Variants in ZDHHC22 observed in about 807,000 individuals in gnomAD.
ZDHHC22 encodes the protein palmitoyltransferase ZDHHC22.
Under a neutral mutation model 17.0 loss-of-function variants are expected in ZDHHC22, and 13 were observed. The observed-to-expected ratio is 0.76, with a 90% CI of 0.50 to 1.21. The LOEUF (loss-of-function observed/expected upper bound fraction) is 1.21. Ranked by LOEUF, ZDHHC22 falls within the 50% of genes most tolerant of loss-of-function variation. The pLI, the probability that ZDHHC22 is intolerant of heterozygous loss-of-function variation, is 0.00. For synonymous variants in ZDHHC22, 138 were observed against 154.7 expected, an observed-to-expected ratio of 0.89 and a Z score of 0.80; for missense variants, 319 against 342.3, an observed-to-expected ratio of 0.93 and a Z score of 0.54.
At chr14:77,139,106 T>C in intron 2 of ZDHHC22, 107 bp downstream of exon 2, 1 of 1,273,340 alleles carries the variant, frequency 7.9e-7, no homozygotes, top group Non-Finnish European at 1.1e-6. Flanking sequence ...GTCTGTATTT[T>C]TATTTGCTAA....
intron 2 of ZDHHC22, among the ~76,000 whole-genome samples, chr14:77,138,421 G>T (rs920966516): frequency 1.3e-5 from 2 of 152,164 alleles, no homozygotes; most frequent in African/African-American, 4.8e-5. Flanking sequence ...AGTGTGGCGT[G>T]GTGGCACGCA....
At chr14:77,141,315 G>GC (rs1887251687) in intron 1 of ZDHHC22, 1 of 152,656 alleles carries the variant, frequency 6.6e-6, no homozygotes, top group Admixed American at 6.5e-5. Flanking sequence ...AAGGACAGGG[G>GC]CTAGGGGAGT....
At position 77,140,336 on chromosome 14, in the gene ZDHHC22, G is replaced by A. The variant is rs567972602; in HGVS notation, c.-14-584C>T. 3.9e-5 allele frequency among the ~76,000 whole-genome samples: 6 copies of A among 152,088 alleles called. No homozygotes were observed. The highest frequency in any genetic ancestry group is 1.9e-4 in the East Asian group (1 of 5,172). On this transcript the variant is annotated intron_variant, in intron 1 of 2. Transcript: ENST00000319374. This position sits in a 1 kb window ranked among gnomAD's most constrained non-coding sequence, Gnocchi z 5.9. ...CTCTTTGGAGGTATGTGTGCGTGAG[G>A]GACCACGATGTGTGTGTGTGTGTCC...
chr14:77,137,695 G>A (rs1661542100), intron 2 of ZDHHC22, among the ~76,000 whole-genome samples: 1 of 152,174 alleles, frequency 6.6e-6, no homozygotes, highest in Non-Finnish European at 1.5e-5. Flanking sequence ...CTGTATCTCT[G>A]TGTTCCCACT....
At chr14:77,135,470 A>G (rs1275669066) in intron 2 of ZDHHC22, among the ~76,000 whole-genome samples, 1 of 138,188 alleles carries the variant, frequency 7.2e-6, no homozygotes, top group East Asian at 2.3e-4. Flanking sequence ...GGATAGCTGT[A>G]TTATTTTTTT....
chr14:77,142,209 A>C (rs1887269564), upstream of ZDHHC22: 1 of 152,286 alleles, frequency 6.6e-6, no homozygotes, highest in South Asian at 2.1e-4. Flanking sequence ...AATATTCACC[A>C]TTCACTACTG....
intron 1 of ZDHHC22, chr14:77,141,225 C>T (rs1350063552): frequency 6.6e-6 from 1 of 152,130 alleles, no homozygotes; most frequent in Non-Finnish European, 1.5e-5. Flanking sequence ...GGGGCTCCGG[C>T]GAAGCAAGTG....
rs1316327137 is a variant in ZDHHC22, at chr14:77,131,314, T to C, written c.*2369A>G. The C allele has an allele frequency of 2.0e-5, 3 of 152,182 alleles. No homozygotes were observed. The highest frequency in any genetic ancestry group is 7.2e-5 in the African/African-American group (3 of 41,416). 9.4% of individuals were successfully genotyped at this position (152,182 alleles called of 1,614,324 possible). A position where few individuals can be genotyped will look rare whatever the true frequency, so the allele number is the denominator to read the frequency against. On this transcript the variant is annotated 3_prime_UTR_variant, in exon 3 of 3. Coordinates refer to ENST00000319374, the MANE Select transcript of ZDHHC22 (RefSeq NM_174976.2). Reference sequence around the variant, plus strand: ...TTTTATTGATGTTCTTCAAGGACAATACAGGGCCATGTGTACAAATGCTAC... The same window carrying C: ...TTTTATTGATGTTCTTCAAGGACAACACAGGGCCATGTGTACAAATGCTAC...
At chr14:77,134,176 G>T (rs1314721692) in intron 2 of ZDHHC22, among the ~76,000 whole-genome samples, 1 of 152,218 alleles carries the variant, frequency 6.6e-6, no homozygotes, top group Non-Finnish European at 1.5e-5. Flanking sequence ...GGGAAGACTG[G>T]AGACATGGCA....
upstream of ZDHHC22, chr14:77,141,815 G>T (rs1887262162): frequency 6.6e-6 from 1 of 152,290 alleles, no homozygotes; most frequent in South Asian, 2.1e-4. Flanking sequence ...GGGGATGGCA[G>T]CTGGGCACCC....
chr14:77,139,683 G>C lies in ZDHHC22; in HGVS notation c.56C>G (p.Ser19Cys), dbSNP rs970560947. 1 of 1,544,934 alleles carries C rather than the reference G, an allele frequency of 6.5e-7. No individual in the cohort carries two copies. The highest frequency in any genetic ancestry group is 1.4e-5 in the African/African-American group (1 of 73,228). Residue 19 changes from serine to cysteine, a missense_variant, in exon 2 of 3, where the codon TCC becomes TGC. Transcript: ENST00000319374. ...GAGCTGCAGCACGAAGGTCACCAGGGAGATGCACAAGAAGTAGGCGGGGGC... is the reference window on the plus strand; with the variant it reads ...GAGCTGCAGCACGAAGGTCACCAGGCAGATGCACAAGAAGTAGGCGGGGGC... ...VVAPAYFLCI[S>C]LVTFVLQLFL...
At chr14:77,136,281 A>C (rs570876835) in intron 2 of ZDHHC22, among the ~76,000 whole-genome samples, 1 of 152,336 alleles carries the variant, frequency 6.6e-6, no homozygotes, top group East Asian at 1.9e-4. Context: ...TGTTGGTGCA[A>C]CTTAACCTTG....
In ZDHHC22 at chr14:77,132,554, AT is replaced by A. The variant is rs1752384255; in HGVS notation, c.*1128del. 1 of 152,198 alleles carries A rather than the reference AT, an allele frequency of 6.6e-6. No individual in the cohort carries two copies. 9.4% of individuals were successfully genotyped at this position (152,198 alleles called of 1,614,324 possible). On this transcript the variant is annotated 3_prime_UTR_variant, in exon 3 of 3. Transcript: ENST00000319374. ...GAAGGAATGTGTAAGCTCACCTAGA[AT>A]GACCCTGTACAGAAATCCCTTCCAC...
Position 77,133,796 on chromosome 14 carries a change from C to T in ZDHHC22, c.679G>A (p.Ala227Thr), listed in dbSNP as rs749216655. ...HQVRKGVAVR[A>T]RPWRKNLQEV... The stretch of plus-strand genomic sequence containing the variant: ...TGTAAGTTCTTGCGCCAGGGCCGGG[C>T]CCTCACTGCCACCCCCTTCCGCACC... Residue 227 changes from alanine to threonine, a missense_variant, in exon 3 of 3, where the codon GCC (alanine) becomes ACC (threonine). Coordinates refer to ENST00000319374, the MANE Select transcript of ZDHHC22 (RefSeq NM_174976.2). The T allele has an allele frequency of 6.8e-6, 11 of 1,613,874 alleles. No homozygotes were observed. Among genetic ancestry groups the T allele is most frequent in the East Asian group, 4.5e-5 (2 of 44,894 alleles).
At position 77,139,730 on chromosome 14, in the gene ZDHHC22, G is replaced by A. The variant is rs1443236774; in HGVS notation, c.9C>T (p.Ala3=). The change falls in exon 2 of 3, where the codon GCC becomes GCT. Residue 3 remains alanine, a synonymous_variant. Transcript: ENST00000319374. ML[A]LRLLNVVAPA... The stretch of plus-strand genomic sequence containing the variant: ...GGGCCACCACGTTGAGCAGCCGCAG[G>A]GCCAGCATCCTCGATTACATTCCTG... 2.7e-6 allele frequency: 4 copies of A among 1,502,998 alleles called. No homozygotes were observed. The highest frequency in any genetic ancestry group is 3.6e-6 in the Non-Finnish European group (4 of 1,126,522). 93.1% of individuals were successfully genotyped at this position (1,502,998 alleles called of 1,614,324 possible). A position where few individuals can be genotyped will look rare whatever the true frequency, so the allele number is the denominator to read the frequency against.
chr14:77,137,027 T>C (rs1887148855), intron 2 of ZDHHC22, among the ~76,000 whole-genome samples: 1 of 152,178 alleles, frequency 6.6e-6, no homozygotes. Flanking sequence ...AAACAACCCA[T>C]GCTTCTTACT....
intron 1 of ZDHHC22, among the ~76,000 whole-genome samples, 167 bp from the exon 2 acceptor site, chr14:77,139,919 G>T (rs1887219516): frequency 6.6e-6 from 1 of 152,182 alleles, no homozygotes; most frequent in Admixed American, 6.5e-5. Flanking sequence ...GATCAGGCAG[G>T]CCAGAGACCC....
At chr14:77,136,743 C>T (rs1887144244) in intron 2 of ZDHHC22, among the ~76,000 whole-genome samples, 1 of 152,120 alleles carries the variant, frequency 6.6e-6, no homozygotes, top group Admixed American at 6.5e-5. Flanking sequence ...AGATCTGTAC[C>T]ACAGTTGGGG....
intron 2 of ZDHHC22, among the ~76,000 whole-genome samples, chr14:77,138,916 T>C (rs1361389381): frequency 6.6e-6 from 1 of 152,132 alleles, no homozygotes; most frequent in Non-Finnish European, 1.5e-5. Context: ...ATGGACAGCA[T>C]GATGGATGAG....
Sources: allele counts gnomAD v4.1 joint callset (sites outside exome capture counted in the v4.1 genomes callset), GRCh38; gene constraint gnomAD v4.1.1; non-coding constraint Gnocchi (gnomAD v3.1); transcripts MANE v1.5; gene names NCBI Gene and HGNC (gene_info 2026-07-23, HGNC 2026-07-21).